Variants in PAK5 observed in about 807,000 individuals in gnomAD.
PAK5 encodes the protein p21 (RAC1) activated kinase 5.
Under a neutral mutation model 65.9 loss-of-function variants are expected in PAK5, and 16 were observed. That is an observed-to-expected ratio of 0.24 (90% CI 0.16 to 0.37). The LOEUF is 0.37. PAK5 is among the 10% of genes least tolerant of loss of function. The pLI, the probability that PAK5 is intolerant of heterozygous loss-of-function variation, is 1.00. For missense variants in PAK5, 785 were observed against 903.9 expected (o/e 0.87, Z 1.69); for synonymous variants, 371 against 354.9 (o/e 1.05, Z -0.51).
chr20:9,771,110 T>C (rs2048827526), intron 1 of PAK5, among the ~76,000 whole-genome samples: 2 of 152,158 alleles, frequency 1.3e-5, no homozygotes, highest in South Asian at 4.1e-4. Context: ...TTCATAAAAC[T>C]TGTGGGAAAG....
chr20:9,648,472 C>CT (rs34935319), intron 2 of PAK5, among the ~76,000 whole-genome samples: 16,281 of 143,832 alleles, frequency 0.11, 955 homozygotes, highest in African/African-American at 0.17. Flanking sequence ...ACATAAACCT[C>CT]TTTTTTTTTT....
chr20:9,563,134 G>A, intron 5 of PAK5, 110 bp from the exon 6 acceptor site: 2 of 964,042 alleles, frequency 2.1e-6, no homozygotes, highest in East Asian at 2.5e-5. Context: ...ACTGATTGTG[G>A]GGAAGTTTAT....
At chr20:9,631,868 T>C (rs1412042601) in intron 3 of PAK5, among the ~76,000 whole-genome samples, 2 of 152,146 alleles carry the variant, frequency 1.3e-5, no homozygotes, top group Non-Finnish European at 2.9e-5. Flanking sequence ...GATTTTAAAG[T>C]GATAGATTTA....
At chr20:9,661,485 A>C (rs888469304) in intron 2 of PAK5, among the ~76,000 whole-genome samples, 1 of 152,188 alleles carries the variant, frequency 6.6e-6, no homozygotes, top group Non-Finnish European at 1.5e-5. Context: ...ACACCTGAGA[A>C]GACCTTTTTT....
intron 1 of PAK5, among the ~76,000 whole-genome samples, chr20:9,754,605 A>G (rs1325692438): frequency 6.6e-6 from 1 of 152,174 alleles, no homozygotes; most frequent in Non-Finnish European, 1.5e-5. Context: ...CTCTAGCTGC[A>G]TGACTCCTAA....
intron 3 of PAK5, among the ~76,000 whole-genome samples, chr20:9,592,478 C>G (rs1011521533): frequency 6.6e-6 from 1 of 152,146 alleles, no homozygotes; most frequent in African/African-American, 2.4e-5. Context: ...TGTTGTATAT[C>G]TTGATCTTGG....
chr20:9,544,465 A>G lies in PAK5; in HGVS notation c.1773T>C (p.Ala591=). 1 of 1,614,054 alleles carries G rather than the reference A, an allele frequency of 6.2e-7. No homozygotes were observed. Among genetic ancestry groups the G allele is most frequent in the Non-Finnish European group, 8.5e-7 (1 of 1,179,870 alleles). The change falls in exon 8 of 10, where the codon GCT becomes GCC. Residue 591 remains alanine, a synonymous_variant. Transcript: ENST00000353224. Reference sequence around the variant, plus strand: ...TCTTCGGCACCTCTTTGGAAACTTGAGCACAGAAACCAAAATCAGACAACT... The same window carrying G: ...TCTTCGGCACCTCTTTGGAAACTTGGGCACAGAAACCAAAATCAGACAACT... ...RIKLSDFGFC[A]QVSKEVPKRK...
chr20:9,823,422 C>T (rs377064423), intron 1 of PAK5, among the ~76,000 whole-genome samples: 8 of 152,332 alleles, frequency 5.3e-5, no homozygotes, highest in South Asian at 2.1e-4. Context: ...ATAATCCTCA[C>T]GTGTCAAGGG....
chr20:9,606,103 G>A (rs2046449176), intron 3 of PAK5, among the ~76,000 whole-genome samples: 2 of 152,156 alleles, frequency 1.3e-5, no homozygotes, highest in African/African-American at 4.8e-5. Context: ...GGGCCCGGTG[G>A]GAGGTGACTG....
intron 4 of PAK5, among the ~76,000 whole-genome samples, chr20:9,574,222 A>G (rs1201555426): frequency 6.6e-6 from 1 of 152,202 alleles, no homozygotes; most frequent in African/African-American, 2.4e-5. Context: ...TGTGCCCTGC[A>G]AATGCACACT....
At chr20:9,759,618 T>G (rs2048675354) in intron 1 of PAK5, among the ~76,000 whole-genome samples, 2 of 152,282 alleles carry the variant, frequency 1.3e-5, no homozygotes, top group South Asian at 4.1e-4. Context: ...TGAGTAGCCC[T>G]GCCCTGAACA....
intron 7 of PAK5, among the ~76,000 whole-genome samples, chr20:9,550,161 G>T (rs182761109): frequency 6.6e-6 from 1 of 152,286 alleles, no homozygotes; most frequent in Admixed American, 6.5e-5. Context: ...ATGTGCAGGG[G>T]TTCGGAAGTT....
chr20:9,717,714 G>T (rs2048166126), intron 1 of PAK5, among the ~76,000 whole-genome samples: 1 of 152,180 alleles, frequency 6.6e-6, no homozygotes, highest in African/African-American at 2.4e-5. Flanking sequence ...CTGCCTCCCA[G>T]GTTCAAGTGA....
At chr20:9,630,435 A>G (rs187778583) in intron 3 of PAK5, among the ~76,000 whole-genome samples, 156 of 152,344 alleles carry the variant, frequency 1.0e-3, no homozygotes, top group African/African-American at 3.6e-3. Context: ...GTCATCTCAG[A>G]AGGAGGCCAA....
intron 1 of PAK5, among the ~76,000 whole-genome samples, chr20:9,734,354 T>C (rs1369136590): frequency 1.3e-5 from 2 of 151,848 alleles, no homozygotes; most frequent in Non-Finnish European, 2.9e-5. Context: ...ATGAATTTGG[T>C]AATGGTGAGT....
chr20:9,693,226 G>T (rs955251237), intron 2 of PAK5, among the ~76,000 whole-genome samples: 2 of 152,072 alleles, frequency 1.3e-5, no homozygotes, highest in Admixed American at 6.6e-5. Context: ...GATAAAAGTG[G>T]CACTCCTTGT....
intron 8 of PAK5, among the ~76,000 whole-genome samples, 188 bp from the exon 9 acceptor site, chr20:9,542,908 G>A (rs2045289957): frequency 6.6e-6 from 1 of 152,168 alleles, no homozygotes; most frequent in African/African-American, 2.4e-5. Flanking sequence ...GCCTTTTATG[G>A]ACAACTTCAG....
At chr20:9,667,844 T>C (rs2047440753) in intron 2 of PAK5, among the ~76,000 whole-genome samples, 2 of 152,334 alleles carry the variant, frequency 1.3e-5, no homozygotes, top group South Asian at 4.1e-4. Context: ...AATGAGAAAT[T>C]GTTGCATGCT....
intron 1 of PAK5, among the ~76,000 whole-genome samples, chr20:9,782,044 TTA>T (rs1291945883): frequency 1.3e-5 from 2 of 152,142 alleles, no homozygotes; most frequent in Non-Finnish European, 2.9e-5. Flanking sequence ...CTTCAGAGCC[TTA>T]TATGATCTAC....
Sources: gnomAD v4.1 joint callset for allele counts (sites outside exome capture counted in the v4.1 genomes callset) on GRCh38, gnomAD v4.1.1 for gene constraint, MANE v1.5 for transcripts, NCBI Gene and HGNC (gene_info 2026-07-23, HGNC 2026-07-21) for gene names.